SHROOM4: variants seen among roughly 807,000 people sequenced by gnomAD.
SHROOM4 encodes shroom family member 4, also known as protein Shroom4.
In SHROOM4, 17 loss-of-function variants were observed where a neutral mutation model predicts 80.3. That is an observed-to-expected ratio of 0.21 (90% CI 0.14 to 0.32). The LOEUF (loss-of-function observed/expected upper bound fraction) is 0.32. Ranked by LOEUF, SHROOM4 falls within the 10% of genes least tolerant of loss-of-function variation. SHROOM4 has a pLI of 1.00. For missense variants in SHROOM4, 993 were observed against 1,140.3 expected (o/e 0.87, Z 1.86); for synonymous variants, 400 against 437.5 (o/e 0.91, Z 1.07).
At chrX:50,613,529 A>C (rs1486078766) in intron 5 of SHROOM4, among the ~76,000 whole-genome samples, 1 of 112,382 alleles carries the variant, frequency 8.9e-6, no homozygotes, top group Non-Finnish European at 1.9e-5. Context: ...ATTAGTTAGA[A>C]TATATAATGG....
chrX:50,798,300 C>T (rs1002561678), intron 1 of SHROOM4, among the ~76,000 whole-genome samples: 6 of 111,665 alleles, frequency 5.4e-5, no homozygotes, highest in Non-Finnish European at 1.1e-4. Context: ...CTCTTAGCCT[C>T]AATTTCTGCA....
intron 5 of SHROOM4, among the ~76,000 whole-genome samples, chrX:50,619,421 C>T (rs1280044274): frequency 1.8e-5 from 2 of 111,392 alleles, no homozygotes; most frequent in Admixed American, 1.9e-4. Flanking sequence ...TTGCAAGATC[C>T]AGGAAGTGAG....
chrX:50,577,702 A>C, the SHROOM4 span, among the ~76,000 whole-genome samples: 2 of 112,105 alleles, frequency 1.8e-5, no homozygotes, highest in African/African-American at 6.5e-5. Context: ...TTCACTACAG[A>C]AATCGGCAGA....
intron 1 of SHROOM4, among the ~76,000 whole-genome samples, chrX:50,789,976 C>T (rs1156325707): frequency 8.9e-6 from 1 of 112,079 alleles, no homozygotes; most frequent in African/African-American, 3.2e-5. Flanking sequence ...GCCTATTGCT[C>T]CTAGTCTACA....
chrX:50,705,064 C>A (rs143290071), intron 1 of SHROOM4, among the ~76,000 whole-genome samples: 1 of 111,745 alleles, frequency 8.9e-6, no homozygotes, highest in African/African-American at 3.3e-5. Flanking sequence ...GAGCCTAGGA[C>A]AGATCCCATT....
chrX:50,579,702 G>T, the SHROOM4 span, among the ~76,000 whole-genome samples: 2 of 111,535 alleles, frequency 1.8e-5, no homozygotes, highest in Non-Finnish European at 3.8e-5. Context: ...GGTTTAAAAA[G>T]AGGGGATTCT....
At position 50,654,650 on chromosome X, in the gene SHROOM4, T is replaced by G. The variant is rs181967858; in HGVS notation, c.270-16342A>C. Among the ~76,000 whole-genome samples the G allele has an allele frequency of 3.8e-3, 420 of 110,641 alleles. 2 individuals carry two copies. The highest frequency in any genetic ancestry group is 0.013 in the African/African-American group (384 of 30,531). On this transcript the variant is annotated intron_variant, in intron 2 of 8. Coordinates refer to ENST00000376020, the MANE Select transcript of SHROOM4 (RefSeq NM_020717.5). ...ATTAGATTTCCAGAACGTACTCCTC[T>G]TGTTCAACTGAAGCTTTATAGCCTT...
intron 1 of SHROOM4, among the ~76,000 whole-genome samples, chrX:50,730,077 T>A (rs934519626): frequency 8.9e-6 from 1 of 112,090 alleles, no homozygotes; most frequent in Admixed American, 9.5e-5. Flanking sequence ...AAAGGTTAAT[T>A]GTGTAGGTAG....
At chrX:50,777,851 T>C (rs1206762501) in intron 1 of SHROOM4, among the ~76,000 whole-genome samples, 2 of 112,354 alleles carry the variant, frequency 1.8e-5, no homozygotes, top group Non-Finnish European at 3.8e-5. Flanking sequence ...TCTCCCACAG[T>C]TTCTGTGTTG....
chrX:50,761,603 C>T (rs1204343463), intron 1 of SHROOM4, among the ~76,000 whole-genome samples: 1 of 111,338 alleles, frequency 9.0e-6, no homozygotes, highest in Non-Finnish European at 1.9e-5. Context: ...CGCTCTGTCA[C>T]CCAAGCTGGA....
At chrX:50,585,504 G>GC (rs1374484105), downstream of SHROOM4, among the ~76,000 whole-genome samples, 2 of 111,207 alleles carry the variant, frequency 1.8e-5, no homozygotes, top group African/African-American at 6.6e-5. Flanking sequence ...AGCTGGAGAA[G>GC]CACACAGGAG....
At position 50,589,704 on chromosome X, in the gene SHROOM4, T is replaced by G. The variant is rs1177946348; in HGVS notation, c.*6991A>C. ...GGATGGACATTTGGGTCATTTCCAC[T>G]TTTTGGCTATTATGAGTAATGCCAC... On this transcript the variant is annotated 3_prime_UTR_variant, in exon 9 of 9. Transcript: ENST00000376020. Among the ~76,000 whole-genome samples, 2 of 112,349 alleles carry G rather than the reference T, an allele frequency of 1.8e-5. No individual in the cohort carries two copies. Among genetic ancestry groups the G allele is most frequent in the East Asian group, 5.6e-4 (2 of 3,590 alleles).
intron 1 of SHROOM4, among the ~76,000 whole-genome samples, chrX:50,736,783 T>C (rs1016751652): frequency 8.9e-6 from 1 of 112,201 alleles, no homozygotes; most frequent in East Asian, 2.8e-4. Context: ...CTGGGTCAAA[T>C]GGTACTTCTG....
chrX:50,770,515 A>T (rs190983266), intron 1 of SHROOM4, among the ~76,000 whole-genome samples: 1 of 112,383 alleles, frequency 8.9e-6, no homozygotes, highest in East Asian at 2.8e-4. Context: ...GAGAGAATTC[A>T]GGAAACAGTT....
chrX:50,692,233 C>T (rs782335511), intron 2 of SHROOM4, among the ~76,000 whole-genome samples: 39 of 112,060 alleles, frequency 3.5e-4, no homozygotes, highest in Non-Finnish European at 6.6e-4. Context: ...AGATAGTGTT[C>T]ACACTCCCTC....
chrX:50,661,829 G>A (rs920060106), intron 2 of SHROOM4, among the ~76,000 whole-genome samples: 19 of 111,747 alleles, frequency 1.7e-4, no homozygotes, highest in Non-Finnish European at 2.8e-4. Context: ...TTAACATGCA[G>A]TTGAAAATGA....
chrX:50,702,204 A>C (rs903716200), intron 1 of SHROOM4, among the ~76,000 whole-genome samples: 1 of 111,885 alleles, frequency 8.9e-6, no homozygotes, highest in African/African-American at 3.2e-5. Flanking sequence ...CAGAATGGCC[A>C]GAATTAAAAA....
At chrX:50,618,255 C>CTTTCT (rs1258034593) in intron 5 of SHROOM4, among the ~76,000 whole-genome samples, 1 of 107,454 alleles carries the variant, frequency 9.3e-6, no homozygotes, top group South Asian at 4.3e-4. Flanking sequence ...ACTCTGGTTT[C>CTTTCT]TTTCTTTTCT....
rs782617723 is a variant in SHROOM4, at chrX:50,634,653, C to G, written c.1420G>C (p.Glu474Gln). 2 of 1,210,065 alleles carry G rather than the reference C, an allele frequency of 1.7e-6. No individual in the cohort carries two copies. The highest frequency in any genetic ancestry group is 5.9e-5 in the East Asian group (2 of 33,730). The change falls in exon 4 of 9, where the codon GAA becomes CAA. Residue 474 changes from glutamate to glutamine, a missense_variant. Glu to Gln is a conservative substitution (Grantham distance 29, BLOSUM62 2). Transcript: ENST00000376020. ...TGGTHDQSSK[E>Q]RKTRQVDDRS... is the part of the protein sequence containing the mutation. ...TCATCCACTTGTCTGGTCTTTCTTT[C>G]TTTGCTGGACTGGTCATGGGTTCCT...
Sources: allele counts gnomAD v4.1 joint callset (sites outside exome capture counted in the v4.1 genomes callset), GRCh38; gene constraint gnomAD v4.1.1; transcripts MANE v1.5; gene names NCBI Gene and HGNC (gene_info 2026-07-23, HGNC 2026-07-21).